The following DLG2 variants were observed in gnomAD, a reference collection of about 807,000 sequenced individuals.
The protein encoded by DLG2 is disks large homolog 2.
A neutral mutation model predicts 132.5 loss-of-function variants in DLG2; 45 were observed. That is an observed-to-expected ratio of 0.34 (90% CI 0.27 to 0.44). The LOEUF is 0.44. Ranked by LOEUF, DLG2 falls within the 20% of genes least tolerant of loss-of-function variation. DLG2 has a pLI of 1.00. For synonymous variants in DLG2, 424 were observed against 419.6 expected (o/e 1.01, Z -0.13); for missense variants, 1,045 against 1,196.9 (o/e 0.87, Z 1.87).
intron 6 of DLG2, among the ~76,000 whole-genome samples, chr11:84,902,289 T>A (rs1159695126): frequency 6.6e-6 from 1 of 152,126 alleles, no homozygotes; most frequent in Non-Finnish European, 1.5e-5. Flanking sequence ...TCTTGTTTAG[T>A]CTTACAAAGG....
chr11:83,958,232 C>T (rs532476911), intron 14 of DLG2, among the ~76,000 whole-genome samples: 21 of 152,218 alleles, frequency 1.4e-4, no homozygotes, highest in African/African-American at 4.8e-4. Context: ...TTCTATAATT[C>T]GGAGACAATA....
intron 9 of DLG2, among the ~76,000 whole-genome samples, chr11:84,112,322 CTTTTTTTT>C (rs60021668): frequency 0.6 from 71,124 of 118,980 alleles, 22,038 homozygotes; most frequent in Middle Eastern, 0.75. Context: ...TTTACTTTTC[CTTTTTTTT>C]TTTTTTTTTT....
intron 4 of DLG2, among the ~76,000 whole-genome samples, chr11:85,181,470 GACTT>G (rs1368059652): frequency 6.6e-5 from 10 of 151,228 alleles, no homozygotes; most frequent in African/African-American, 2.4e-4. Flanking sequence ...AATTTTCTAT[GACTT>G]ACTCTCTGAA....
intron 16 of DLG2, among the ~76,000 whole-genome samples, chr11:83,869,619 ATCTG>A (rs1476708652): frequency 6.6e-6 from 1 of 152,204 alleles, no homozygotes; most frequent in Non-Finnish European, 1.5e-5. Flanking sequence ...GTTCCCTTAG[ATCTG>A]TTTATAAGTA....
chr11:83,542,284 A>T (rs939472225), intron 19 of DLG2, among the ~76,000 whole-genome samples: 8 of 152,292 alleles, frequency 5.3e-5, no homozygotes, highest in Non-Finnish European at 1.0e-4. Flanking sequence ...CTGTAAACAA[A>T]TCATCTCAGA....
At chr11:84,379,728 G>C (rs2098742662) in intron 7 of DLG2, among the ~76,000 whole-genome samples, 1 of 151,786 alleles carries the variant, frequency 6.6e-6, no homozygotes, top group African/African-American at 2.4e-5. Flanking sequence ...TATCTTGCCA[G>C]TACACTTTTA....
chr11:85,302,477 G>C (rs546995603), intron 3 of DLG2, among the ~76,000 whole-genome samples: 1 of 152,110 alleles, frequency 6.6e-6, no homozygotes, highest in African/African-American at 2.4e-5. Context: ...CCTTCTGAAG[G>C]ATTTCCTACA....
intron 3 of DLG2, among the ~76,000 whole-genome samples, chr11:85,553,782 A>T (rs903437741): frequency 6.6e-6 from 1 of 151,576 alleles, no homozygotes; most frequent in Admixed American, 6.6e-5. Context: ...ACAAAATTGG[A>T]GAACAAAAGT....
intron 21 of DLG2, 55 bp downstream of exon 21, chr11:83,532,653 T>C (rs773147589): frequency 5.5e-5 from 82 of 1,501,654 alleles, no homozygotes; most frequent in Non-Finnish European, 7.2e-5. Flanking sequence ...GTGTTAATTA[T>C]AGTTAAATCC....
intron 3 of DLG2, among the ~76,000 whole-genome samples, chr11:85,470,906 A>G (rs2092964942): frequency 6.6e-6 from 1 of 152,186 alleles, no homozygotes; most frequent in Non-Finnish European, 1.5e-5. Flanking sequence ...GGAGGATAAG[A>G]CACAGAGACA....
intron 6 of DLG2, among the ~76,000 whole-genome samples, chr11:85,042,028 C>G (rs1368203703): frequency 2.6e-5 from 4 of 151,862 alleles, no homozygotes; most frequent in African/African-American, 9.7e-5. Flanking sequence ...CACTTCACCA[C>G]TCTACAATTC....
chr11:85,171,583 G>T lies in DLG2; in HGVS notation c.187-16932C>A, dbSNP rs149961064. Among the ~76,000 whole-genome samples, 410 of 152,262 alleles carry T rather than the reference G, an allele frequency of 2.7e-3. 4 individuals carry two copies. Among genetic ancestry groups the T allele is most frequent in the African/African-American group, 9.1e-3 (380 of 41,556 alleles). On this transcript the variant is annotated intron_variant, in intron 4 of 27. Transcript: ENST00000376104. ...TCCATCCACGCATTACGCTAGGAAG[G>T]GGGCTGAATCCAGGAGTTAAGTGGC...
At chr11:84,189,371 A>G (rs1056749106) in intron 8 of DLG2, among the ~76,000 whole-genome samples, 2 of 152,208 alleles carry the variant, frequency 1.3e-5, no homozygotes, top group African/African-American at 2.4e-5. Context: ...CTTTTACACT[A>G]TTGGTGGGAG....
At chr11:84,124,800 G>A (rs1040598418) in intron 9 of DLG2, among the ~76,000 whole-genome samples, 5 of 149,316 alleles carry the variant, frequency 3.3e-5, no homozygotes, top group Admixed American at 6.6e-5. Context: ...ATTTTTTTGC[G>A]TAAATGTGAT....
chr11:83,967,097 T>G (rs560222126), intron 12 of DLG2, among the ~76,000 whole-genome samples: 2 of 152,096 alleles, frequency 1.3e-5, no homozygotes, highest in Admixed American at 6.6e-5. Flanking sequence ...AATATTTCAT[T>G]GTGCATATAT....
chr11:83,854,946 A>G (rs2060297329), intron 16 of DLG2, among the ~76,000 whole-genome samples: 1 of 152,142 alleles, frequency 6.6e-6, no homozygotes, highest in Non-Finnish European at 1.5e-5. Context: ...ATATACAAAG[A>G]ACTCCTAAAA....
intron 3 of DLG2, among the ~76,000 whole-genome samples, chr11:85,444,114 T>G (rs2091905104): frequency 6.6e-6 from 1 of 152,200 alleles, no homozygotes; most frequent in African/African-American, 2.4e-5. Flanking sequence ...ATAATTTTAC[T>G]TCATTCACCT....
chr11:83,976,119 A>G (rs1464431883), intron 12 of DLG2, among the ~76,000 whole-genome samples: 1 of 151,924 alleles, frequency 6.6e-6, no homozygotes, highest in Non-Finnish European at 1.5e-5. Context: ...CCAACATTAT[A>G]GCTATTTTAC....
intron 6 of DLG2, among the ~76,000 whole-genome samples, chr11:84,918,848 G>A (rs1487486737): frequency 6.6e-6 from 1 of 152,078 alleles, no homozygotes; most frequent in African/African-American, 2.4e-5. Flanking sequence ...AATCTGAAAA[G>A]AAGCTGAGTG....
Sources: gnomAD v4.1 joint callset for allele counts (sites outside exome capture counted in the v4.1 genomes callset) on GRCh38, gnomAD v4.1.1 for gene constraint, MANE v1.5 for transcripts, NCBI Gene and HGNC (gene_info 2026-07-23, HGNC 2026-07-21) for gene names.